WDPCP: variants seen among roughly 807,000 people sequenced by gnomAD.
WDPCP encodes WD repeat-containing and planar cell polarity effector protein fritz homolog.
A neutral mutation model predicts 93.1 loss-of-function variants in WDPCP; 71 were observed. That is an observed-to-expected ratio of 0.76 (90% CI 0.63 to 0.93). The LOEUF (loss-of-function observed/expected upper bound fraction) is 0.93, where lower values mean the gene tolerates loss of function less well. Among genes scored for constraint, WDPCP ranks in the 40% least tolerant of loss-of-function variants. WDPCP has a pLI of 0.00. For synonymous variants in WDPCP, 315 were observed against 315.0 expected, an observed-to-expected ratio of 1.00 and a Z score of 0.00; for missense variants, 844 against 887.4, an observed-to-expected ratio of 0.95 and a Z score of 0.62.
intron 14 of WDPCP, among the ~76,000 whole-genome samples, chr2:63,179,906 T>C (rs1674105398): frequency 1.3e-5 from 2 of 152,314 alleles, no homozygotes; most frequent in South Asian, 4.1e-4. Flanking sequence ...AAGATTTGTT[T>C]TGTGGCCTTC....
chr2:63,743,712 C>T (rs2103861369), intron 2 of WDPCP, among the ~76,000 whole-genome samples: 1 of 152,174 alleles, frequency 6.6e-6, no homozygotes, highest in South Asian at 2.1e-4. Context: ...AGGGAGATTA[C>T]ATTGTAGACC....
At chr2:63,123,062 A>T (rs1035597591) in intron 17 of WDPCP, among the ~76,000 whole-genome samples, 1 of 147,328 alleles carries the variant, frequency 6.8e-6, no homozygotes, top group Non-Finnish European at 1.5e-5. Context: ...AAAAAAAAAA[A>T]CCTGGAAAAA....
rs199816856 is a variant in WDPCP, at chr2:63,586,765, T to C, written c.75+1432A>G. 2.9e-4 allele frequency among the ~76,000 whole-genome samples: 44 copies of C among 152,350 alleles called. No homozygotes were observed. In the East Asian group the frequency reaches 8.5e-3, roughly 29 times the overall value. Reference sequence around the variant, plus strand: ...GGGAATACGGGGGCTTACATGTTTGTGGCCTTCTTGGAGTATGGGAATGTC... The same window carrying C: ...GGGAATACGGGGGCTTACATGTTTGCGGCCTTCTTGGAGTATGGGAATGTC... On this transcript the variant is annotated intron_variant, in intron 1 of 17. Coordinates refer to ENST00000272321, the MANE Select transcript of WDPCP (RefSeq NM_015910.7).
intron 12 of WDPCP, among the ~76,000 whole-genome samples, chr2:63,325,507 C>T (rs1002115718): frequency 2.0e-5 from 3 of 152,196 alleles, no homozygotes; most frequent in Admixed American, 1.3e-4. Context: ...AGAAAATTGA[C>T]TTCCTCCTGG....
chr2:63,646,539 T>C (rs1168105609), intron 3 of WDPCP, among the ~76,000 whole-genome samples: 1 of 152,176 alleles, frequency 6.6e-6, no homozygotes, highest in Non-Finnish European at 1.5e-5. Flanking sequence ...CACATTTTTT[T>C]TTTCTTTCTG....
intron 1 of WDPCP, among the ~76,000 whole-genome samples, chr2:63,505,781 T>A (rs1701832089): frequency 6.6e-6 from 1 of 152,098 alleles, no homozygotes; most frequent in Non-Finnish European, 1.5e-5. Flanking sequence ...TGATTCAACC[T>A]ACATTTACAA....
intron 17 of WDPCP, among the ~76,000 whole-genome samples, chr2:63,130,073 C>A (rs908114318): frequency 2.0e-4 from 31 of 152,104 alleles, no homozygotes; most frequent in Non-Finnish European, 1.3e-4. Context: ...CCTTTTTACT[C>A]TGTTGATAGT....
At chr2:63,330,206 A>G (rs1323266922) in intron 12 of WDPCP, among the ~76,000 whole-genome samples, 2 of 152,112 alleles carry the variant, frequency 1.3e-5, no homozygotes, top group Admixed American at 6.5e-5. Flanking sequence ...ATTCCCCCCA[A>G]GTGGTATCCT....
At chr2:63,583,787 G>T (rs753635800) in intron 1 of WDPCP, among the ~76,000 whole-genome samples, 13 of 151,876 alleles carry the variant, frequency 8.6e-5, no homozygotes, top group Non-Finnish European at 1.5e-4. Context: ...AATAATAAAA[G>T]ATAAAGTTCT....
At chr2:63,368,140 G>A (rs1488645654) in intron 12 of WDPCP, among the ~76,000 whole-genome samples, 3 of 151,924 alleles carry the variant, frequency 2.0e-5, no homozygotes. Context: ...ATATCTGTGG[G>A]GAAGGAAAAG....
In WDPCP at chr2:63,397,530, G is replaced by A. The variant is rs188332562; in HGVS notation, c.1435+6518C>T. Reference sequence around the variant, plus strand: ...AATAAAGTATAAACCTGCACAAAGTGAGGGCTAAAAATGGAAGCCTGGATG... The same window carrying A: ...AATAAAGTATAAACCTGCACAAAGTAAGGGCTAAAAATGGAAGCCTGGATG... On this transcript the variant is annotated intron_variant, in intron 10 of 17. Transcript: ENST00000272321. Among the ~76,000 whole-genome samples the A allele has an allele frequency of 2.6e-5, 4 of 152,206 alleles. No homozygotes were observed. In the East Asian group the frequency reaches 7.7e-4, roughly 29 times the overall value.
intron 1 of WDPCP, among the ~76,000 whole-genome samples, chr2:63,585,226 T>G (rs1708762211): frequency 1.3e-5 from 2 of 152,216 alleles, no homozygotes; most frequent in East Asian, 3.8e-4. Flanking sequence ...TTGGAATTAC[T>G]ACGTTTAAGA....
At position 63,823,388 on chromosome 2, in the gene WDPCP, C is replaced by T. The variant is rs796252369; in HGVS notation, n.222+4234G>A. 3.6e-4 allele frequency among the ~76,000 whole-genome samples: 55 copies of T among 152,136 alleles called. 1 individual carries two copies. The highest frequency in any genetic ancestry group is 1.3e-3 in the African/African-American group (52 of 41,500). ...AAGCGTGGTTGCACGCACCTGTAGTCCCAGCTACTCAGGAGGCTGAGGCAG... is the reference window on the plus strand; with the variant it reads ...AAGCGTGGTTGCACGCACCTGTAGTTCCAGCTACTCAGGAGGCTGAGGCAG... On this transcript the variant is annotated intron_variant and non_coding_transcript_variant, in intron 1 of 4. Coordinates refer to the WDPCP transcript ENST00000467687.
chr2:63,260,259 G>T (rs1681515238), intron 13 of WDPCP, among the ~76,000 whole-genome samples: 1 of 152,158 alleles, frequency 6.6e-6, no homozygotes, highest in South Asian at 2.1e-4. Flanking sequence ...CTGAACAAGT[G>T]GAGTCACTAA....
At chr2:63,339,776 T>G (rs1427160541) in intron 12 of WDPCP, among the ~76,000 whole-genome samples, 2 of 152,178 alleles carry the variant, frequency 1.3e-5, no homozygotes, top group African/African-American at 4.8e-5. Context: ...TTCCAATGCT[T>G]AGAGGGAAAG....
At chr2:63,463,778 G>T (rs1699178263) in intron 6 of WDPCP, among the ~76,000 whole-genome samples, 1 of 152,016 alleles carries the variant, frequency 6.6e-6, no homozygotes, top group Non-Finnish European at 1.5e-5. Context: ...TGAGAAAACT[G>T]GATATTCATA....
intron 1 of WDPCP, among the ~76,000 whole-genome samples, chr2:63,504,091 T>C (rs1440583422): frequency 2.4e-4 from 36 of 152,094 alleles, no homozygotes; most frequent in Admixed American, 2.4e-3. Context: ...TGGCTTCTTA[T>C]AAAAAGTGAA....
chr2:63,697,639 T>C (rs1668978012), intron 2 of WDPCP, among the ~76,000 whole-genome samples: 1 of 152,194 alleles, frequency 6.6e-6, no homozygotes, highest in Non-Finnish European at 1.5e-5. Flanking sequence ...ATATTTTCTA[T>C]AATAAATCTT....
chr2:63,828,707 TTTTC>T (rs529591648), upstream of WDPCP, among the ~76,000 whole-genome samples: 4 of 152,172 alleles, frequency 2.6e-5, no homozygotes, highest in Non-Finnish European at 5.9e-5. Context: ...TTAGCATTGG[TTTTC>T]TTTGTGACAA....
Sources: allele counts gnomAD v4.1 joint callset (sites outside exome capture counted in the v4.1 genomes callset), GRCh38; gene constraint gnomAD v4.1.1; transcripts MANE v1.5; gene names NCBI Gene and HGNC (gene_info 2026-07-23, HGNC 2026-07-21).